ANO10: variants seen among roughly 807,000 people sequenced by gnomAD.
ANO10 encodes anoctamin-10.
A neutral mutation model predicts 74.7 loss-of-function variants in ANO10; 77 were observed. The ratio of observed to expected loss-of-function variants is 1.03; its 90% CI spans 0.86 to 1.25. The LOEUF (loss-of-function observed/expected upper bound fraction) is 1.25. Among genes scored for constraint, ANO10 ranks in the 50% most tolerant of loss-of-function variants. The probability of loss-of-function intolerance (pLI) is 0.00; values close to 1 mark genes in which losing one functional copy is unlikely to be tolerated. For synonymous variants in ANO10, 279 were observed against 284.9 expected, an observed-to-expected ratio of 0.98 and a Z score of 0.21; for missense variants, 721 against 778.1, an observed-to-expected ratio of 0.93 and a Z score of 0.87.
chr3:43,614,801 A>ATATATATATATATATGTG (rs61457264), intron 1 of ANO10, among the ~76,000 whole-genome samples: 1 of 99,386 alleles, frequency 1.0e-5, no homozygotes, highest in Admixed American at 1.2e-4. Context: ...ATATATATAT[A>ATATATATATATATATGTG]TAGGTTCATT....
chr3:43,590,193 A>C (rs2149444796), intron 4 of ANO10, among the ~76,000 whole-genome samples: 1 of 152,378 alleles, frequency 6.6e-6, no homozygotes, highest in East Asian at 1.9e-4. Context: ...TTAGATGTCC[A>C]CAGTACAGAT....
chr3:43,685,974 G>A (rs1198319362), intron 1 of ANO10, among the ~76,000 whole-genome samples: 4 of 152,050 alleles, frequency 2.6e-5, no homozygotes, highest in East Asian at 3.9e-4. Flanking sequence ...ATGACCTGGC[G>A]TTTGTGTCCC....
chr3:43,444,444 AAGT>A (rs2093210845), intron 11 of ANO10, among the ~76,000 whole-genome samples: 1 of 152,212 alleles, frequency 6.6e-6, no homozygotes, highest in Non-Finnish European at 1.5e-5. Context: ...ATCACTTGAC[AAGT>A]AAAAAAACCA....
At chr3:43,686,253 A>G (rs923566852) in intron 1 of ANO10, among the ~76,000 whole-genome samples, 1 of 152,174 alleles carries the variant, frequency 6.6e-6, no homozygotes, top group Non-Finnish European at 1.5e-5. Context: ...ACAGAATACT[A>G]GAAGGGACCT....
intron 12 of ANO10, among the ~76,000 whole-genome samples, chr3:43,410,582 CTG>C (rs1006081114): frequency 1.3e-5 from 2 of 152,112 alleles, no homozygotes; most frequent in African/African-American, 2.4e-5. Flanking sequence ...TATGAGTTTT[CTG>C]TGTTTATATT....
At chr3:43,685,108 A>C (rs1342963577) in intron 1 of ANO10, among the ~76,000 whole-genome samples, 1 of 152,206 alleles carries the variant, frequency 6.6e-6, no homozygotes, top group Non-Finnish European at 1.5e-5. Context: ...AAGATTGTTT[A>C]TTTTATCTAA....
At chr3:43,564,916 GAA>G (rs1559708011) in intron 8 of ANO10, among the ~76,000 whole-genome samples, 2 of 152,116 alleles carry the variant, frequency 1.3e-5, no homozygotes, top group Non-Finnish European at 2.9e-5. Context: ...GAAGAAATGA[GAA>G]GTCACATCCA....
chr3:43,625,479 G>T (rs2083483226), upstream of ANO10, among the ~76,000 whole-genome samples: 1 of 152,160 alleles, frequency 6.6e-6, no homozygotes, highest in African/African-American at 2.4e-5. Flanking sequence ...ATTTTATCTA[G>T]AGGTTTTAGT....
At chr3:43,433,135 G>A (rs770937721) in intron 11 of ANO10, among the ~76,000 whole-genome samples, 5 of 150,940 alleles carry the variant, frequency 3.3e-5, no homozygotes, top group African/African-American at 7.3e-5. Flanking sequence ...TAGTAGAGAC[G>A]GGGGTTTCAC....
At chr3:43,661,776 C>T (rs2083929794) in intron 1 of ANO10, among the ~76,000 whole-genome samples, 1 of 152,124 alleles carries the variant, frequency 6.6e-6, no homozygotes, top group Admixed American at 6.5e-5. Context: ...ATAAAATAGA[C>T]TTTAAACCAA....
chr3:43,509,938 C>T (rs1282575703), intron 11 of ANO10, among the ~76,000 whole-genome samples: 1 of 152,108 alleles, frequency 6.6e-6, no homozygotes, highest in Non-Finnish European at 1.5e-5. Context: ...AGGAAAAAGT[C>T]AACCCCAAAA....
chr3:43,560,310 G>C (rs1042018379), intron 9 of ANO10, among the ~76,000 whole-genome samples: 4 of 152,104 alleles, frequency 2.6e-5, no homozygotes, highest in African/African-American at 9.7e-5. Flanking sequence ...GGCTCAGTGG[G>C]GGCAACTGCA....
At chr3:43,541,337 C>T (rs1575381829) in intron 11 of ANO10, among the ~76,000 whole-genome samples, 1 of 152,186 alleles carries the variant, frequency 6.6e-6, no homozygotes, top group East Asian at 1.9e-4. Flanking sequence ...ACTAAACATA[C>T]TGCATGCATT....
At chr3:43,560,405 T>C (rs1233077942) in intron 9 of ANO10, among the ~76,000 whole-genome samples, 2 of 152,004 alleles carry the variant, frequency 1.3e-5, no homozygotes, top group Non-Finnish European at 2.9e-5. Context: ...ATGAGAAAAA[T>C]TATGAAAGTC....
At chr3:43,550,413 C>G (rs375851687) in intron 10 of ANO10, among the ~76,000 whole-genome samples, 21 of 151,992 alleles carry the variant, frequency 1.4e-4, no homozygotes, top group Admixed American at 1.3e-3. Flanking sequence ...CAAACTGGTC[C>G]AGCATTCCCT....
At chr3:43,413,711 G>C (rs923659675) in intron 12 of ANO10, among the ~76,000 whole-genome samples, 1 of 149,546 alleles carries the variant, frequency 6.7e-6, no homozygotes, top group African/African-American at 2.5e-5. Context: ...TTAAAAGTGA[G>C]TTAGTTTATG....
chr3:43,526,427 C>T lies in ANO10; in HGVS notation c.1797+23293G>A, dbSNP rs764035247. ...AGAAGCGTCAGCATGCATGCCCACA[C>T]GGCAACACAGAGGATTAACTGACCA... On this transcript the variant is annotated intron_variant, in intron 11 of 12. Coordinates refer to ENST00000292246, the MANE Select transcript of ANO10 (RefSeq NM_018075.5). 9.9e-5 allele frequency among the ~76,000 whole-genome samples: 15 copies of T among 152,202 alleles called. No homozygotes were observed. In the East Asian group the frequency reaches 1.7e-3, roughly 18 times the overall value.
At chr3:43,633,479 T>A (rs2083571498) in intron 1 of ANO10, among the ~76,000 whole-genome samples, 1 of 152,238 alleles carries the variant, frequency 6.6e-6, no homozygotes, top group Non-Finnish European at 1.5e-5. Context: ...AAATGGCTAA[T>A]GGGTCTTTTC....
In ANO10 at chr3:43,547,290, TAAC is replaced by T. The variant is rs533021785; in HGVS notation, c.1797+2427_1797+2429del. On this transcript the variant is annotated intron_variant, in intron 11 of 12. Transcript: ENST00000292246. ...GCAGACTGACCCTTTAAAAATTGGC[TAAC>T]AAAAGTTATTACAACAGAAAGGAAA... Among the ~76,000 whole-genome samples the T allele has an allele frequency of 4.6e-5, 7 of 152,336 alleles. No individual in the cohort carries two copies. In the South Asian group the frequency reaches 1.4e-3, roughly 32 times the overall value.
Sources: gnomAD v4.1 joint callset for allele counts (sites outside exome capture counted in the v4.1 genomes callset) on GRCh38, gnomAD v4.1.1 for gene constraint, MANE v1.5 for transcripts, NCBI Gene and HGNC (gene_info 2026-07-23, HGNC 2026-07-21) for gene names.